BRWD1: variants seen among roughly 807,000 people sequenced by gnomAD.
BRWD1 encodes the protein bromodomain and WD repeat domain containing 1, also known as bromodomain and WD repeat-containing protein 1.
BRWD1 carries 82 observed loss-of-function variants against 251.2 expected under a neutral mutation model. That is an observed-to-expected ratio of 0.33 (90% CI 0.27 to 0.39). The LOEUF (loss-of-function observed/expected upper bound fraction) is 0.39. Ranked by LOEUF, BRWD1 falls within the 10% of genes least tolerant of loss-of-function variation. The probability of loss-of-function intolerance (pLI) is 1.00; values close to 1 mark genes in which losing one functional copy is unlikely to be tolerated. For synonymous variants in BRWD1, 918 were observed against 902.8 expected (o/e 1.02, Z -0.30); for missense variants, 2,233 against 2,711.6 (o/e 0.82, Z 3.92).
In BRWD1 at chr21:39,247,627, TATTC is replaced by T. The variant is rs2146600753; in HGVS notation, c.2481+70_2481+73del. The T allele has an allele frequency of 2.8e-6, 4 of 1,415,224 alleles. No individual in the cohort carries two copies. In the South Asian group the frequency reaches 4.3e-5, roughly 15 times the overall value. The allele number at this position is 1,415,224 out of a possible 1,614,324, so 87.7% of individuals were successfully genotyped here. A position where few individuals can be genotyped will look rare whatever the true frequency, so the allele number is the denominator to read the frequency against. On this transcript the variant is annotated intron_variant, in intron 21 of 40. Coordinates refer to ENST00000342449, the MANE Select transcript of BRWD1 (RefSeq NM_033656.4). ...TGTGTTTTCATATAAATTTGGGGTA[TATTC>T]ATTCAAAGTAAAGAATTAAGCCAAA... is the stretch of plus-strand genomic sequence containing the variant.
chr21:39,283,380 C>T (rs980998443), intron 8 of BRWD1, among the ~76,000 whole-genome samples: 1 of 152,158 alleles, frequency 6.6e-6, no homozygotes, highest in African/African-American at 2.4e-5. Flanking sequence ...TAGACTATTT[C>T]CTTCCCCAAC....
At chr21:39,287,600 C>T (rs183832366) in intron 8 of BRWD1, among the ~76,000 whole-genome samples, 19 of 152,264 alleles carry the variant, frequency 1.2e-4, no homozygotes, top group Admixed American at 9.8e-4. Context: ...AGTGATACCC[C>T]TTTTTCAAAT....
At chr21:39,291,903 C>T (rs187442090) in intron 8 of BRWD1, among the ~76,000 whole-genome samples, 2 of 152,326 alleles carry the variant, frequency 1.3e-5, no homozygotes, top group Non-Finnish European at 2.9e-5. Flanking sequence ...AACCCTTCTT[C>T]CTTCACTGTC....
rs1568858703 is a variant in BRWD1, at chr21:39,200,366, A to C, written c.4606T>G (p.Leu1536Val). ...GCTGACGATGACAAAGAGGTAGCTAAAGAATCTTCCACTTCACTTTCTAGG... is the reference window on the plus strand; with the variant it reads ...GCTGACGATGACAAAGAGGTAGCTACAGAATCTTCCACTTCACTTTCTAGG... ...TLSESEVEDS[L>V]ATSLSSSASS... The change falls in exon 39 of 41, where the codon TTA becomes GTA. Residue 1536 changes from leucine (L) to valine (V), a missense_variant. Physicochemically the swap from Leu to Val is conservative, Grantham distance 32. Around this residue, in one of 12 missense-constraint regions of BRWD1, gnomAD observed 928 missense variants for 970.0 expected, o/e 0.96. Transcript: ENST00000342449. The C allele has an allele frequency of 6.2e-7, 1 of 1,612,396 alleles. No homozygotes were observed. Among genetic ancestry groups the C allele is most frequent in the Non-Finnish European group, 8.5e-7 (1 of 1,179,598 alleles).
chr21:39,186,182 TCTAA>T lies in BRWD1; in HGVS notation c.*10073_*10076del, dbSNP rs559338166. On this transcript the variant is annotated 3_prime_UTR_variant, in exon 41 of 41. Transcript: ENST00000342449. ...TCTTAAGCTATACATTTTATTTTTA[TCTAA>T]CTGATTAAGACCTGCCTCTTAATGA... The T allele has an allele frequency of 1.1e-4, 17 of 152,326 alleles. No individual in the cohort carries two copies. Among genetic ancestry groups the T allele is most frequent in the South Asian group, 8.3e-4 (4 of 4,824 alleles). 9.4% of individuals were successfully genotyped at this position (152,326 alleles called of 1,614,324 possible).
chr21:39,267,057 A>G (rs2034945374), intron 15 of BRWD1, among the ~76,000 whole-genome samples: 1 of 152,228 alleles, frequency 6.6e-6, no homozygotes, highest in African/African-American at 2.4e-5. Context: ...TATCCCACGG[A>G]TTTTAAAACG....
chr21:39,286,811 G>A (rs914803652), intron 8 of BRWD1, among the ~76,000 whole-genome samples: 1 of 152,070 alleles, frequency 6.6e-6, no homozygotes, highest in Non-Finnish European at 1.5e-5. Flanking sequence ...ACTGCGCCCG[G>A]CCCATTTTTG....
At chr21:39,258,443 C>A in intron 18 of BRWD1, 44 bp downstream of exon 18, 1 of 1,427,564 alleles carries the variant, frequency 7.0e-7, no homozygotes, top group Non-Finnish European at 9.4e-7. Context: ...TCTTTAATTT[C>A]AATGCAGCCA....
intron 20 of BRWD1, among the ~76,000 whole-genome samples, chr21:39,249,347 G>A (rs2034312714): frequency 6.6e-6 from 1 of 152,124 alleles, no homozygotes; most frequent in African/African-American, 2.4e-5. Context: ...TACCCCTGAA[G>A]CTAAAAGTTT....
At chr21:39,245,342 A>T (rs1371597808) in intron 21 of BRWD1, among the ~76,000 whole-genome samples, 2 of 152,216 alleles carry the variant, frequency 1.3e-5, no homozygotes, top group Non-Finnish European at 2.9e-5. Context: ...TACTGATTAA[A>T]TTAATTCTCA....
rs1285504685 is a variant in BRWD1, at chr21:39,217,104, TTTA to T, written c.3659+1045_3659+1047del. ...ATATATTTTTTTTTTTTTTTTTTTT[TTTA>T]ATTGCTTAGACAGGGTCTCACTCCA... On this transcript the variant is annotated intron_variant, in intron 31 of 40. Transcript: ENST00000342449. 1.8e-3 allele frequency: 89 copies of T among 48,974 alleles called. 1 individual carries two copies. Among genetic ancestry groups the T allele is most frequent in the African/African-American group, 7.4e-3 (84 of 11,326 alleles). The allele number at this position is 48,974 out of a possible 1,614,324, so 3.0% of individuals were successfully genotyped here.
chr21:39,306,505 G>A (rs565292183), intron 4 of BRWD1, among the ~76,000 whole-genome samples: 1 of 152,264 alleles, frequency 6.6e-6, no homozygotes, highest in African/African-American at 2.4e-5. Flanking sequence ...GAATTCGGAA[G>A]GACTAGGTTT....
chr21:39,236,716 G>T lies in BRWD1; in HGVS notation c.2645C>A (p.Thr882Lys). The T allele has an allele frequency of 6.2e-7, 1 of 1,614,106 alleles. No homozygotes were observed. The highest frequency in any genetic ancestry group is 8.5e-7 in the Non-Finnish European group (1 of 1,180,006). ...AGINLQPPLR[T>K]SCRRRITRFC... Reference sequence around the variant, plus strand: ...TCGAGTAATTCGTCGACGACATGATGTTCTTAAAGGAGGCTGCAAATTGAT... The same window carrying T: ...TCGAGTAATTCGTCGACGACATGATTTTCTTAAAGGAGGCTGCAAATTGAT... The change falls in exon 23 of 41, where the codon ACA (threonine) becomes AAA (lysine). Residue 882 changes from threonine to lysine, a missense_variant. Transcript: ENST00000342449.
intron 34 of BRWD1, among the ~76,000 whole-genome samples, 197 bp downstream of exon 34, chr21:39,212,469 T>C (rs2032704047): frequency 6.6e-6 from 1 of 152,180 alleles, no homozygotes. Flanking sequence ...GGCCTCTTCT[T>C]ACTCCATCTC....
At chr21:39,243,502 C>A (rs937279504) in intron 21 of BRWD1, among the ~76,000 whole-genome samples, 1 of 152,180 alleles carries the variant, frequency 6.6e-6, no homozygotes, top group Non-Finnish European at 1.5e-5. Context: ...TAGAGTTACA[C>A]TGGCGCAACC....
At chr21:39,313,374 C>G in intron 1 of BRWD1, 69 bp downstream of exon 1, 1 of 1,492,754 alleles carries the variant, frequency 6.7e-7, no homozygotes, top group Non-Finnish European at 8.9e-7. Context: ...GCCGGGGGAG[C>G]CCGGGGAGCC....
intron 8 of BRWD1, among the ~76,000 whole-genome samples, chr21:39,280,997 T>C (rs2035437119): frequency 1.3e-5 from 2 of 152,024 alleles, no homozygotes; most frequent in African/African-American, 2.4e-5. Flanking sequence ...AAGGATTAAA[T>C]AGTAGGAAAA....
intron 4 of BRWD1, among the ~76,000 whole-genome samples, chr21:39,303,822 CA>C (rs535962983): frequency 4.6e-4 from 63 of 137,350 alleles, no homozygotes; most frequent in East Asian, 8.4e-4. Context: ...GACCCTGTCT[CA>C]AAAAAAAAAA....
At chr21:39,257,954 A>T (rs1405719636) in intron 18 of BRWD1, among the ~76,000 whole-genome samples, 1 of 152,222 alleles carries the variant, frequency 6.6e-6, no homozygotes, top group Non-Finnish European at 1.5e-5. Flanking sequence ...TAAGAGAAAA[A>T]AAGTACTATT....
Sources: gnomAD v4.1 joint callset for allele counts (sites outside exome capture counted in the v4.1 genomes callset) on GRCh38, gnomAD v4.1.1 for gene constraint, gnomAD v4.1.1 regional missense constraint, MANE v1.5 for transcripts, NCBI Gene and HGNC (gene_info 2026-07-23, HGNC 2026-07-21) for gene names.